Variants in XYLB observed in about 807,000 individuals in gnomAD.
XYLB encodes xylulokinase, also known as xylulose kinase.
A neutral mutation model predicts 78.7 loss-of-function variants in XYLB; 62 were observed. That is an observed-to-expected ratio of 0.79 (90% CI 0.64 to 0.97). The LOEUF (loss-of-function observed/expected upper bound fraction) is 0.97, where lower values mean the gene tolerates loss of function less well. XYLB is among the 50% of genes least tolerant of loss of function. The pLI is 0.00. For missense variants in XYLB, 687 were observed against 676.8 expected (o/e 1.02, Z -0.17); for synonymous variants, 245 against 247.4 (o/e 0.99, Z 0.09).
intron 8 of XYLB, 64 bp from the exon 9 acceptor site, chr3:38,369,992 T>G: frequency 7.2e-7 from 1 of 1,388,352 alleles, no homozygotes; most frequent in South Asian, 1.2e-5. Context: ...TGTGCCAGAT[T>G]TGTGCATTTT....
chr3:38,442,773 C>T, the XYLB span, among the ~76,000 whole-genome samples: 1 of 116,792 alleles, frequency 8.6e-6, no homozygotes, highest in Non-Finnish European at 1.6e-5. Flanking sequence ...AAATGTCTAA[C>T]AATATCCTGT....
chr3:38,399,288 G>T (rs181744608), intron 17 of XYLB, among the ~76,000 whole-genome samples: 2 of 151,680 alleles, frequency 1.3e-5, no homozygotes, highest in African/African-American at 2.4e-5. Context: ...GTAGATATAG[G>T]GTTTCGCCAT....
At chr3:38,433,165 G>A in the XYLB span, among the ~76,000 whole-genome samples, 9 of 152,350 alleles carry the variant, frequency 5.9e-5, no homozygotes, top group South Asian at 1.7e-3. Context: ...AGCTGCCAAG[G>A]CTCAGGGCTT....
Position 38,414,621 on chromosome 3 carries a change from A to G in XYLB, c.*1608A>G, listed in dbSNP as rs1425286349. 1 of 152,242 alleles carries G rather than the reference A, an allele frequency of 6.6e-6. No homozygotes were observed. Among genetic ancestry groups the G allele is most frequent in the Non-Finnish European group, 1.5e-5 (1 of 68,046 alleles). 9.4% of individuals were successfully genotyped at this position (152,242 alleles called of 1,614,324 possible). On this transcript the variant is annotated 3_prime_UTR_variant, in exon 19 of 19. Transcript: ENST00000207870. ...AACTCAGAATAAAAATGAAAAAGCTACAAGCATATATGAGAAGAGAACTGA... is the reference window on the plus strand; with the variant it reads ...AACTCAGAATAAAAATGAAAAAGCTGCAAGCATATATGAGAAGAGAACTGA...
At chr3:38,354,420 T>C (rs559714560) in intron 2 of XYLB, among the ~76,000 whole-genome samples, 59 of 152,196 alleles carry the variant, frequency 3.9e-4, no homozygotes, top group Admixed American at 1.0e-3. Flanking sequence ...TGTTTTTTTT[T>C]CCAGAGTTTC....
intron 2 of XYLB, among the ~76,000 whole-genome samples, chr3:38,349,735 T>C (rs1243863401): frequency 6.6e-6 from 1 of 152,076 alleles, no homozygotes. Flanking sequence ...CATCTGGCCG[T>C]TAGGAGTCTA....
At chr3:38,380,372 G>A (rs1032634781) in intron 15 of XYLB, among the ~76,000 whole-genome samples, 13 of 152,162 alleles carry the variant, frequency 8.5e-5, no homozygotes, top group South Asian at 2.1e-4. Flanking sequence ...TACAGGTGGC[G>A]TTGGAATGGT....
intron 2 of XYLB, among the ~76,000 whole-genome samples, chr3:38,351,992 CT>C (rs1463739265): frequency 6.6e-6 from 1 of 152,112 alleles, no homozygotes; most frequent in Non-Finnish European, 1.5e-5. Context: ...ACATACAAGT[CT>C]TTTCGTGGAC....
rs759819120 is a variant in XYLB at position 38,412,936 on chromosome 3, G to A, written c.1534G>A (p.Val512Ile). 2.5e-6 allele frequency: 4 copies of A among 1,602,158 alleles called. No homozygotes were observed. In the South Asian group the frequency reaches 4.5e-5, roughly 18 times the overall value. Residue 512 changes from valine to isoleucine, a missense_variant and splice_region_variant, in exon 19 of 19, where the codon GTC (valine) becomes ATC (isoleucine). Physicochemically the swap from Val to Ile is conservative, Grantham distance 29. Coordinates refer to ENST00000207870, the MANE Select transcript of XYLB (RefSeq NM_005108.4). ...TAAACTGCTTTTTCTGCCCTTCTAG[G>A]TCTACGAGGCCCTTCTCCCCCAGTA... Reference protein sequence around the residue: ...AATPSPGASQVYEALLPQYAK... With the variant: ...AATPSPGASQIYEALLPQYAK...
At chr3:38,440,437 C>T in the XYLB span, among the ~76,000 whole-genome samples, 1 of 152,214 alleles carries the variant, frequency 6.6e-6, no homozygotes, top group Non-Finnish European at 1.5e-5. Flanking sequence ...TCTGCTTCTA[C>T]AAGAGTTTCC....
rs1213666196 is a variant in XYLB, at chr3:38,413,296, A to AT, written c.*284dup. 2 of 351,040 alleles carry AT rather than the reference A, an allele frequency of 5.7e-6. No homozygotes were observed. The highest frequency in any genetic ancestry group is 1.0e-5 in the Non-Finnish European group (2 of 197,182). 21.7% of individuals were successfully genotyped at this position (351,040 alleles called of 1,614,324 possible). ...CAACACTGAGACTGGGATATGTCCA[A>AT]TAAAAACTATGACTTTTCCCCTTGC... On this transcript the variant is annotated 3_prime_UTR_variant, in exon 19 of 19. Transcript: ENST00000207870.
At chr3:38,358,933 A>AC (rs372722847) in intron 2 of XYLB, among the ~76,000 whole-genome samples, 56 of 152,264 alleles carry the variant, frequency 3.7e-4, no homozygotes, top group African/African-American at 1.2e-3. Flanking sequence ...TGTTTATATC[A>AC]CCCCCCAAAA....
chr3:38,350,302 G>A lies in XYLB; in HGVS notation c.140+1670G>A, dbSNP rs186733968. On this transcript the variant is annotated intron_variant, in intron 2 of 18. Coordinates refer to ENST00000207870, the MANE Select transcript of XYLB (RefSeq NM_005108.4). ...GCAGGCCTTGCATGTTTGCCTTTGG[G>A]TAGTTGGTATGTTTCAAGGAATTGG... Among the ~76,000 whole-genome samples, 545 of 152,322 alleles carry A rather than the reference G, an allele frequency of 3.6e-3. 3 individuals are homozygous for A. The highest frequency in any genetic ancestry group is 5.2e-3 in the Non-Finnish European group (353 of 68,038).
In XYLB at chr3:38,376,804, AG is replaced by A; in HGVS notation, c.1121-113del. The A allele has an allele frequency of 2.6e-5, 21 of 796,134 alleles. 3 individuals carry two copies. Among genetic ancestry groups the A allele is most frequent in the African/African-American group, 1.9e-4 (11 of 57,608 alleles). 49.3% of individuals were successfully genotyped at this position (796,134 alleles called of 1,614,324 possible). A position where few individuals can be genotyped will look rare whatever the true frequency, so the allele number is the denominator to read the frequency against. On this transcript the variant is annotated intron_variant, in intron 13 of 18. Coordinates refer to ENST00000207870, the MANE Select transcript of XYLB (RefSeq NM_005108.4). ...TCACAGGTCTCATCTGGGGGATGAA[AG>A]AGCCAGGGGACCCAGGGATATGGGG...
intron 1 of XYLB, among the ~76,000 whole-genome samples, 179 bp downstream of exon 1, chr3:38,347,104 C>T (rs1035200843): frequency 6.6e-6 from 1 of 152,168 alleles, no homozygotes; most frequent in Non-Finnish European, 1.5e-5. Context: ...CCGGTGCCCT[C>T]GCCCGGAGAT....
At chr3:38,355,115 G>T (rs1036869155) in intron 2 of XYLB, among the ~76,000 whole-genome samples, 1 of 152,222 alleles carries the variant, frequency 6.6e-6, no homozygotes, top group Non-Finnish European at 1.5e-5. Context: ...TAGAACAGGG[G>T]AAGTGGCATT....
At chr3:38,356,870 C>T (rs1705685850) in intron 2 of XYLB, 1 of 152,174 alleles carries the variant, frequency 6.6e-6, no homozygotes. Context: ...GAAGCCTACC[C>T]TCATCATGAC....
intron 3 of XYLB, among the ~76,000 whole-genome samples, chr3:38,361,045 G>A (rs1327886339): frequency 6.6e-6 from 1 of 151,616 alleles, no homozygotes; most frequent in Non-Finnish European, 1.5e-5. Flanking sequence ...CAAAAAAAAA[G>A]AAAAAAAAGA....
the XYLB span, among the ~76,000 whole-genome samples, chr3:38,447,076 C>CA: frequency 2.0e-5 from 3 of 152,168 alleles, no homozygotes; most frequent in East Asian, 5.8e-4. Context: ...TGAACAGGAA[C>CA]AAAATCCCAA....
Sources: gnomAD v4.1 joint callset for allele counts (sites outside exome capture counted in the v4.1 genomes callset) on GRCh38, gnomAD v4.1.1 for gene constraint, MANE v1.5 for transcripts, NCBI Gene and HGNC (gene_info 2026-07-23, HGNC 2026-07-21) for gene names.